The following CGNL1 variants were observed in gnomAD, a reference collection of about 807,000 sequenced individuals.
CGNL1 encodes the protein cingulin like 1.
In CGNL1, 132 loss-of-function variants were observed where a neutral mutation model predicts 141.2. The observed-to-expected ratio is 0.93, with a 90% CI of 0.81 to 1.08. The LOEUF is 1.08. CGNL1 is among the 50% of genes least tolerant of loss of function. The pLI is 0.00. For missense variants in CGNL1, 1,870 were observed against 1,588.6 expected (o/e 1.18, Z -3.01); for synonymous variants, 690 against 622.1 (o/e 1.11, Z -1.63).
intron 8 of CGNL1, among the ~76,000 whole-genome samples, chr15:57,513,253 GGT>G (rs369204678): frequency 0.075 from 10,061 of 133,920 alleles, 361 homozygotes; most frequent in Non-Finnish European, 0.087. Context: ...TGTCAATATG[GGT>G]GTGTGTGTGT....
intron 1 of CGNL1, among the ~76,000 whole-genome samples, chr15:57,408,914 C>A (rs548248091): frequency 1.9e-4 from 29 of 152,066 alleles, no homozygotes; most frequent in Non-Finnish European, 4.0e-4. Flanking sequence ...TGGTGGTGTG[C>A]GCCTGTAATC....
At chr15:57,503,002 C>T (rs1229934888) in intron 8 of CGNL1, among the ~76,000 whole-genome samples, 2 of 152,180 alleles carry the variant, frequency 1.3e-5, no homozygotes, top group East Asian at 1.9e-4. Flanking sequence ...ATGTCAGTAC[C>T]AGGCATAGCA....
intron 8 of CGNL1, among the ~76,000 whole-genome samples, chr15:57,485,515 C>T (rs1595754035): frequency 6.6e-6 from 1 of 152,088 alleles, no homozygotes; most frequent in South Asian, 2.1e-4. Flanking sequence ...AGGAATACAT[C>T]CTTTTTGGTG....
chr15:57,463,882 A>T (rs192029711), intron 8 of CGNL1, among the ~76,000 whole-genome samples: 7 of 152,284 alleles, frequency 4.6e-5, no homozygotes, highest in African/African-American at 1.7e-4. Context: ...CCTCTCTTTT[A>T]TGAACATGCC....
chr15:57,471,226 G>A (rs1373487527), intron 8 of CGNL1, among the ~76,000 whole-genome samples: 5 of 152,172 alleles, frequency 3.3e-5, no homozygotes, highest in African/African-American at 1.2e-4. Flanking sequence ...CAGAATAAAG[G>A]GCTTCTCTTT....
At position 57,516,158 on chromosome 15, in the gene CGNL1, C is replaced by CA. The variant is rs10559176; in HGVS notation, c.2404-599dup. On this transcript the variant is annotated intron_variant, in intron 8 of 18. Coordinates refer to ENST00000281282, the MANE Select transcript of CGNL1 (RefSeq NM_032866.5). ...TGGGGGACAGAGCGAGACTCTGTCT[C>CA]AAAAAAAAAAAAAAAAAAAAAAAGA... 7.2e-3 allele frequency among the ~76,000 whole-genome samples: 525 copies of CA among 73,044 alleles called. 8 individuals are homozygous for CA. Among genetic ancestry groups the CA allele is most frequent in the Middle Eastern group, 0.016 (2 of 126 alleles). The allele number at this position is 73,044 out of a possible 152,430, so 47.9% of individuals were successfully genotyped here. A position where few individuals can be genotyped will look rare whatever the true frequency, so the allele number is the denominator to read the frequency against.
At chr15:57,512,989 T>C (rs1466971587) in intron 8 of CGNL1, among the ~76,000 whole-genome samples, 1 of 151,994 alleles carries the variant, frequency 6.6e-6, no homozygotes. Flanking sequence ...ATAATTCATA[T>C]AGCATATAAT....
At chr15:57,540,254 A>C (rs2032493192) in intron 14 of CGNL1, among the ~76,000 whole-genome samples, 1 of 152,162 alleles carries the variant, frequency 6.6e-6, no homozygotes, top group South Asian at 2.1e-4. Context: ...GACATACCTG[A>C]GACTGGGCAA....
At chr15:57,424,674 GA>G (rs1334358223) in intron 1 of CGNL1, among the ~76,000 whole-genome samples, 2 of 152,152 alleles carry the variant, frequency 1.3e-5, no homozygotes, top group Non-Finnish European at 2.9e-5. Flanking sequence ...AAGATGGACA[GA>G]ACACATAAAC....
chr15:57,410,995 T>C (rs1413041125), intron 1 of CGNL1, among the ~76,000 whole-genome samples: 2 of 152,130 alleles, frequency 1.3e-5, no homozygotes, highest in Admixed American at 6.5e-5. Context: ...GAGAACATAA[T>C]TGTTACTGTA....
At chr15:57,398,326 T>C (rs1399292037) in intron 1 of CGNL1, 1 of 152,232 alleles carries the variant, frequency 6.6e-6, no homozygotes, top group Admixed American at 6.5e-5. Flanking sequence ...TGGGGTTTTT[T>C]TTCCTGCAAG....
chr15:57,530,339 T>A (rs1366325172), intron 13 of CGNL1, among the ~76,000 whole-genome samples: 1 of 152,236 alleles, frequency 6.6e-6, no homozygotes, highest in East Asian at 1.9e-4. Flanking sequence ...TTAGCTATTT[T>A]CTCATTAATT....
intron 1 of CGNL1, among the ~76,000 whole-genome samples, chr15:57,418,406 C>T (rs974935046): frequency 2.2e-4 from 33 of 152,130 alleles, no homozygotes; most frequent in Middle Eastern, 3.4e-3. Context: ...CGGTTTCTCC[C>T]GTTCTGCTCT....
chr15:57,438,523 T>C lies in CGNL1; in HGVS notation c.524T>C (p.Leu175Pro). Residue 175 changes from leucine to proline, a missense_variant, in exon 2 of 19, where the codon CTA (leucine) becomes CCA (proline). Leu to Pro is a moderately conservative substitution (Grantham distance 98). Coordinates refer to ENST00000281282, the MANE Select transcript of CGNL1 (RefSeq NM_032866.5). ...CACCAGCCTTCTGAGAGTAATTGGC[T>C]AAAAACGTTGACAGAAGAAGGCATC... is the stretch of plus-strand genomic sequence containing the variant. ...QNHQPSESNWLKTLTEEGINN... is the reference protein window; with the variant it reads ...QNHQPSESNWPKTLTEEGINN... 1 of 1,614,090 alleles carries C rather than the reference T, an allele frequency of 6.2e-7. No individual in the cohort carries two copies. The highest frequency in any genetic ancestry group is 2.2e-5 in the East Asian group (1 of 44,888).
Position 57,548,628 on chromosome 15 carries a change from A to G in CGNL1, c.*1138A>G, listed in dbSNP as rs1376845934. 6.6e-6 allele frequency: 1 copy of G among 152,162 alleles called. No homozygotes were observed. The highest frequency in any genetic ancestry group is 2.4e-5 in the African/African-American group (1 of 41,430). The allele number at this position is 152,162 out of a possible 1,614,324, so 9.4% of individuals were successfully genotyped here. On this transcript the variant is annotated 3_prime_UTR_variant, in exon 19 of 19. Transcript: ENST00000281282. ...GACCTGTTCCCAGTCACTGATTGCA[A>G]TTTCTTTTACACAGGTTGGGTAGGG...
At chr15:57,384,945 G>A (rs888447816) in intron 1 of CGNL1, among the ~76,000 whole-genome samples, 2 of 152,176 alleles carry the variant, frequency 1.3e-5, no homozygotes, top group African/African-American at 4.8e-5. Flanking sequence ...TAACAGGAGA[G>A]AATTTTTGAT....
At chr15:57,379,679 C>G (rs534548138) in intron 1 of CGNL1, among the ~76,000 whole-genome samples, 176 of 152,228 alleles carry the variant, frequency 1.2e-3, no homozygotes, top group Non-Finnish European at 2.0e-3. Flanking sequence ...AGGTTGGCAT[C>G]AGAGCAGGAA....
At chr15:57,505,616 G>A (rs1408964615) in intron 8 of CGNL1, among the ~76,000 whole-genome samples, 1 of 152,142 alleles carries the variant, frequency 6.6e-6, no homozygotes, top group Non-Finnish European at 1.5e-5. Context: ...TAACCCTGTG[G>A]GTACCAGAGT....
intron 16 of CGNL1, 78 bp from the exon 17 acceptor site, chr15:57,545,514 C>T (rs1448104530): frequency 2.3e-6 from 3 of 1,329,274 alleles, no homozygotes; most frequent in African/African-American, 1.4e-5. Context: ...CTGGAGCTTC[C>T]CCTCCTCCAC....
Sources: gnomAD v4.1 joint callset for allele counts (sites outside exome capture counted in the v4.1 genomes callset) on GRCh38, gnomAD v4.1.1 for gene constraint, MANE v1.5 for transcripts, NCBI Gene and HGNC (gene_info 2026-07-23, HGNC 2026-07-21) for gene names.